Variants in STPG2 observed in about 807,000 individuals in gnomAD.
The protein encoded by STPG2 is sperm-tail PG-rich repeat-containing protein 2.
A neutral mutation model predicts 54.2 loss-of-function variants in STPG2; 56 were observed. The observed-to-expected ratio is 1.03, with a 90% CI of 0.83 to 1.29. The LOEUF (loss-of-function observed/expected upper bound fraction) is 1.29. Among genes scored for constraint, STPG2 ranks in the 50% most tolerant of loss-of-function variants. STPG2 has a pLI of 0.00. For missense variants in STPG2, 596 were observed against 544.9 expected, an observed-to-expected ratio of 1.09 and a Z score of -0.93; for synonymous variants, 200 against 181.8, an observed-to-expected ratio of 1.10 and a Z score of -0.81.
At chr4:97,993,751 T>G (rs1560626826) in intron 5 of STPG2, among the ~76,000 whole-genome samples, 1 of 152,114 alleles carries the variant, frequency 6.6e-6, no homozygotes, top group African/African-American at 2.4e-5. Flanking sequence ...TAATTACCAT[T>G]TCAATCTTGC....
At chr4:97,903,937 TCAGAGAGTCCTACGCCCA>T (rs1731284208) in intron 8 of STPG2, among the ~76,000 whole-genome samples, 1 of 152,154 alleles carries the variant, frequency 6.6e-6, no homozygotes, top group South Asian at 2.1e-4. Flanking sequence ...CGCACCTGGC[TCAGAGAGTCCTACGCCCA>T]CAGAGTCTCG....
chr4:98,142,895 A>T, intron 1 of STPG2, 147 bp downstream of exon 1: 6 of 723,530 alleles, frequency 8.3e-6, no homozygotes, highest in Non-Finnish European at 1.5e-5. Context: ...AAATAAAAGT[A>T]TAGTGTTTTC....
At chr4:97,903,113 A>C (rs1280351964) in intron 8 of STPG2, among the ~76,000 whole-genome samples, 2 of 152,198 alleles carry the variant, frequency 1.3e-5, no homozygotes, top group South Asian at 2.1e-4. Context: ...CGAAGTTACA[A>C]AATGAATATA....
chr4:97,832,667 C>T (rs781147734), intron 9 of STPG2, among the ~76,000 whole-genome samples: 8 of 152,188 alleles, frequency 5.3e-5, no homozygotes, highest in African/African-American at 7.2e-5. Context: ...AGCAAAGTCT[C>T]AGGATACAAA....
At chr4:97,591,857 C>T (rs1022758475) in intron 10 of STPG2, among the ~76,000 whole-genome samples, 3 of 151,962 alleles carry the variant, frequency 2.0e-5, no homozygotes, top group South Asian at 2.1e-4. Flanking sequence ...GAATTTGTTG[C>T]GATTCATAAG....
intron 8 of STPG2, among the ~76,000 whole-genome samples, chr4:97,908,158 A>C (rs1229238984): frequency 3.2e-4 from 49 of 152,064 alleles, no homozygotes; most frequent in African/African-American, 1.1e-3. Flanking sequence ...CAATGAACTC[A>C]AACAAATTTA....
At chr4:97,454,695 A>G (rs1729471813) in intron 4 of STPG2, among the ~76,000 whole-genome samples, 1 of 152,116 alleles carries the variant, frequency 6.6e-6, no homozygotes, top group Non-Finnish European at 1.5e-5. Flanking sequence ...GAATATTAGA[A>G]TAACTAAAAG....
chr4:97,875,785 T>A (rs1481474305), intron 8 of STPG2, among the ~76,000 whole-genome samples: 4 of 152,032 alleles, frequency 2.6e-5, no homozygotes, highest in African/African-American at 4.8e-5. Flanking sequence ...CTCTAATATA[T>A]AATTTTTCTT....
intron 10 of STPG2, among the ~76,000 whole-genome samples, chr4:97,612,504 G>C (rs1175594983): frequency 1.3e-5 from 2 of 152,074 alleles, no homozygotes; most frequent in African/African-American, 4.8e-5. Flanking sequence ...TAAATCTTTG[G>C]TGTCCTCTCT....
chr4:97,720,353 G>A (rs1724411068), intron 9 of STPG2, among the ~76,000 whole-genome samples: 1 of 151,970 alleles, frequency 6.6e-6, no homozygotes, highest in East Asian at 1.9e-4. Flanking sequence ...ATATCCCTGA[G>A]AGGGTAGAAA....
chr4:97,764,696 AT>A (rs1487086317), intron 9 of STPG2, among the ~76,000 whole-genome samples: 3 of 152,088 alleles, frequency 2.0e-5, no homozygotes, highest in Non-Finnish European at 2.9e-5. Flanking sequence ...TGGTGACAGG[AT>A]TTTTTTACCA....
intron 8 of STPG2, among the ~76,000 whole-genome samples, chr4:97,847,699 C>T (rs1248503839): frequency 6.6e-6 from 1 of 152,148 alleles, no homozygotes. Context: ...CATCATTATC[C>T]TCAGATAGCC....
chr4:97,652,928 G>A (rs973111663), intron 10 of STPG2, among the ~76,000 whole-genome samples: 1 of 151,994 alleles, frequency 6.6e-6, no homozygotes, highest in African/African-American at 2.4e-5. Flanking sequence ...TAAGAGAGGA[G>A]TTTTTGTCCA....
rs536439783 is a variant in STPG2, at chr4:97,582,835, GA to G, written c.1321-23719del. On this transcript the variant is annotated intron_variant, in intron 10 of 10. Coordinates refer to ENST00000295268, the MANE Select transcript of STPG2 (RefSeq NM_174952.3). ...TCTATATTATTTACACTGCAGAGTG[GA>G]GATAAATGAGGTCAGTGCTATGTGA... 1.2e-3 allele frequency among the ~76,000 whole-genome samples: 186 copies of G among 152,078 alleles called. 1 individual carries two copies. The highest frequency in any genetic ancestry group is 4.3e-3 in the African/African-American group (179 of 41,504).
Position 97,908,894 on chromosome 4 carries a change from T to A in STPG2, c.1044+35003A>T, listed in dbSNP as rs550850647. Among the ~76,000 whole-genome samples, 136 of 150,554 alleles carry A rather than the reference T, an allele frequency of 9.0e-4. No individual in the cohort carries two copies. In the Middle Eastern group the frequency reaches 0.01, roughly 12 times the overall value. ...GTTGGGGGAGGGGGGAGGGATAGCA[T>A]TGGGCGATATACCTAATGCTAGATG... is the stretch of plus-strand genomic sequence containing the variant. On this transcript the variant is annotated intron_variant, in intron 8 of 10. Transcript: ENST00000295268.
intron 9 of STPG2, among the ~76,000 whole-genome samples, chr4:97,745,498 C>G (rs1222911650): frequency 1.3e-5 from 2 of 150,988 alleles, no homozygotes; most frequent in African/African-American, 4.8e-5. Flanking sequence ...TTCACAAGGA[C>G]TTTAAACTAT....
chr4:97,581,900 T>C (rs923238356), intron 10 of STPG2, among the ~76,000 whole-genome samples: 1 of 152,034 alleles, frequency 6.6e-6, no homozygotes. Context: ...TGGCCATAAA[T>C]TCCTGTTTCC....
At chr4:97,526,686 C>A (rs1347058080) in intron 4 of STPG2, among the ~76,000 whole-genome samples, 2 of 152,036 alleles carry the variant, frequency 1.3e-5, no homozygotes, top group South Asian at 2.1e-4. Flanking sequence ...TTAATTAGAT[C>A]CCATTTGTCA....
At chr4:98,042,781 A>G (rs1200872110) in intron 5 of STPG2, among the ~76,000 whole-genome samples, 1 of 151,990 alleles carries the variant, frequency 6.6e-6, no homozygotes, top group African/African-American at 2.4e-5. Context: ...TATATTCTGC[A>G]GTTATTGAGT....
Sources: allele counts gnomAD v4.1 joint callset (sites outside exome capture counted in the v4.1 genomes callset), GRCh38; gene constraint gnomAD v4.1.1; transcripts MANE v1.5; gene names NCBI Gene and HGNC (gene_info 2026-07-23, HGNC 2026-07-21).